ATG7: variants seen among roughly 807,000 people sequenced by gnomAD.
ATG7 encodes autophagy related 7, also known as ubiquitin-like modifier-activating enzyme ATG7.
Under a neutral mutation model 82.4 loss-of-function variants are expected in ATG7, and 70 were observed. The observed-to-expected ratio is 0.85, with a 90% CI of 0.70 to 1.04. The LOEUF is 1.04. Among genes scored for constraint, ATG7 ranks in the 50% least tolerant of loss-of-function variants. The probability of loss-of-function intolerance (pLI) is 0.00; values close to 1 mark genes in which losing one functional copy is unlikely to be tolerated. For synonymous variants in ATG7, 287 were observed against 313.0 expected (o/e 0.92, Z 0.88); for missense variants, 792 against 864.3 (o/e 0.92, Z 1.05).
chr3:11,521,459 C>G (rs6809218), intron 20 of ATG7, among the ~76,000 whole-genome samples: 17,935 of 151,888 alleles, frequency 0.12, 2,354 homozygotes, highest in African/African-American at 0.33. Flanking sequence ...CAGCAGGGCA[C>G]GGGGAAGGAG....
intron 20 of ATG7, chr3:11,446,504 T>C (rs2084570782): frequency 6.7e-6 from 3 of 448,942 alleles, no homozygotes; most frequent in Non-Finnish European, 1.3e-5. Context: ...CTGGTTTACT[T>C]TTAGCACTAA....
intron 19 of ATG7, among the ~76,000 whole-genome samples, chr3:11,402,116 G>A (rs929549015): frequency 4.6e-5 from 7 of 152,122 alleles, no homozygotes; most frequent in African/African-American, 1.7e-4. Flanking sequence ...AGTTTCACAT[G>A]ACTAGCAAAA....
intron 6 of ATG7, 56 bp downstream of exon 6, chr3:11,307,116 A>G: frequency 1.3e-6 from 2 of 1,512,990 alleles, no homozygotes; most frequent in African/African-American, 1.4e-5. Context: ...TGGCAGGTGC[A>G]GTGTTTGTGA....
At chr3:11,567,910 G>T in the ATG7 span, among the ~76,000 whole-genome samples, 1 of 152,230 alleles carries the variant, frequency 6.6e-6, no homozygotes, top group East Asian at 1.9e-4. Flanking sequence ...TTCATGAAGT[G>T]CATAGACCTG....
intron 3 of ATG7, among the ~76,000 whole-genome samples, chr3:11,297,588 A>G (rs1229415630): frequency 6.6e-6 from 1 of 152,216 alleles, no homozygotes; most frequent in East Asian, 1.9e-4. Flanking sequence ...AGGAAGGTCA[A>G]ATTTATTAGA....
chr3:11,337,469 G>GCTCTCTCT (rs66816143), intron 11 of ATG7, among the ~76,000 whole-genome samples: 25 of 149,428 alleles, frequency 1.7e-4, no homozygotes, highest in African/African-American at 5.9e-4. Flanking sequence ...TGTCTTTCTA[G>GCTCTCTCT]CTCTCTCTCT....
intron 14 of ATG7, among the ~76,000 whole-genome samples, chr3:11,351,584 A>G (rs780414486): frequency 2.1e-4 from 32 of 152,140 alleles, no homozygotes; most frequent in Non-Finnish European, 3.2e-4. Context: ...GTTCTTGGAA[A>G]CAGCCCCCTG....
chr3:11,275,374 A>G (rs1404576716), intron 1 of ATG7, among the ~76,000 whole-genome samples: 1 of 142,964 alleles, frequency 7.0e-6, no homozygotes, highest in Non-Finnish European at 1.5e-5. Flanking sequence ...TTTGAGATGG[A>G]GTCTCACTCT....
chr3:11,491,292 G>A (rs373190438), intron 20 of ATG7, among the ~76,000 whole-genome samples: 9 of 152,098 alleles, frequency 5.9e-5, no homozygotes, highest in Non-Finnish European at 1.2e-4. Flanking sequence ...CATTCTTCAC[G>A]TAGTTCTCAA....
At chr3:11,332,028 G>A (rs982946485) in intron 10 of ATG7, among the ~76,000 whole-genome samples, 5 of 152,114 alleles carry the variant, frequency 3.3e-5, no homozygotes, top group African/African-American at 1.2e-4. Flanking sequence ...TTACTCTCAA[G>A]TATATTACTC....
At chr3:11,365,031 A>G (rs540264050) in intron 18 of ATG7, among the ~76,000 whole-genome samples, 32 of 152,298 alleles carry the variant, frequency 2.1e-4, no homozygotes, top group African/African-American at 7.5e-4. Context: ...CAGTCATACA[A>G]TGGTTTAAAT....
intron 18 of ATG7, among the ~76,000 whole-genome samples, chr3:11,365,047 C>A (rs1299212678): frequency 8.5e-5 from 13 of 152,164 alleles, no homozygotes; most frequent in Non-Finnish European, 8.8e-5. Context: ...TAAATCCCAG[C>A]CCTGCCGTTA....
At chr3:11,544,833 C>G (rs2071136986) in intron 20 of ATG7, among the ~76,000 whole-genome samples, 1 of 152,222 alleles carries the variant, frequency 6.6e-6, no homozygotes, top group East Asian at 1.9e-4. Context: ...TCTACTAGAC[C>G]AGGCTCTGAG....
chr3:11,414,174 T>C (rs571264418), intron 19 of ATG7, among the ~76,000 whole-genome samples: 1 of 152,340 alleles, frequency 6.6e-6, no homozygotes, highest in Admixed American at 6.5e-5. Flanking sequence ...CAAGTGATTT[T>C]CCTGCTTCAG....
At chr3:11,550,719 A>G (rs1034132223) in intron 20 of ATG7, among the ~76,000 whole-genome samples, 1 of 152,020 alleles carries the variant, frequency 6.6e-6, no homozygotes, top group African/African-American at 2.4e-5. Context: ...CTCTTTGTCT[A>G]TTACCGAGAT....
intron 5 of ATG7, among the ~76,000 whole-genome samples, chr3:11,305,630 C>T (rs117654276): frequency 1.3e-5 from 2 of 152,294 alleles, no homozygotes; most frequent in East Asian, 3.9e-4. Flanking sequence ...CCTCATCTCA[C>T]CTGGATGAAA....
intron 20 of ATG7, among the ~76,000 whole-genome samples, chr3:11,550,802 G>C (rs2071704133): frequency 6.6e-6 from 1 of 151,946 alleles, no homozygotes; most frequent in Non-Finnish European, 1.5e-5. Flanking sequence ...CATATTGCAT[G>C]CATGTGTTTT....
chr3:11,493,929 C>T (rs2090605905), intron 20 of ATG7, among the ~76,000 whole-genome samples: 1 of 152,136 alleles, frequency 6.6e-6, no homozygotes, highest in Non-Finnish European at 1.5e-5. Context: ...TATTGAGAAC[C>T]ATGACTGGAA....
At position 11,311,553 on chromosome 3, in the gene ATG7, G is replaced by A. The variant is rs190597885; in HGVS notation, c.412-1751G>A. On this transcript the variant is annotated intron_variant, in intron 7 of 20. Transcript: ENST00000693202. The stretch of plus-strand genomic sequence containing the variant: ...GGAGGTGGAGGTTGCAGTGAGCTGA[G>A]ATCGTCGTGCCGTTGCACTCCAGCC... 2.7e-3 allele frequency among the ~76,000 whole-genome samples: 399 copies of A among 149,880 alleles called. 2 individuals carry two copies. In the Middle Eastern group the frequency reaches 0.028, roughly 11 times the overall value.
Sources: gnomAD v4.1 joint callset for allele counts (sites outside exome capture counted in the v4.1 genomes callset) on GRCh38, gnomAD v4.1.1 for gene constraint, MANE v1.5 for transcripts, NCBI Gene and HGNC (gene_info 2026-07-23, HGNC 2026-07-21) for gene names.